The following NELL2 variants were observed in gnomAD, a reference collection of about 807,000 sequenced individuals.
NELL2 encodes the protein protein kinase C-binding protein NELL2.
A neutral mutation model predicts 109.6 loss-of-function variants in NELL2; 41 were observed. The observed-to-expected ratio is 0.37, with a 90% CI of 0.29 to 0.49. The LOEUF is 0.49. Ranked by LOEUF, NELL2 falls within the 20% of genes least tolerant of loss-of-function variation. The probability of loss-of-function intolerance (pLI) is 0.98; values close to 1 mark genes in which losing one functional copy is unlikely to be tolerated. For missense variants in NELL2, 900 were observed against 1,008.3 expected, an observed-to-expected ratio of 0.89 and a Z score of 1.45; for synonymous variants, 355 against 344.7, an observed-to-expected ratio of 1.03 and a Z score of -0.33.
At chr12:44,652,997 C>T (rs752710531) in intron 13 of NELL2, among the ~76,000 whole-genome samples, 3 of 152,184 alleles carry the variant, frequency 2.0e-5, no homozygotes, top group Admixed American at 1.3e-4. Flanking sequence ...TAGATTGGGA[C>T]CACCTGGATA....
At chr12:44,578,511 A>G (rs1052525515) in intron 15 of NELL2, among the ~76,000 whole-genome samples, 8 of 152,170 alleles carry the variant, frequency 5.3e-5, no homozygotes, top group Non-Finnish European at 7.4e-5. Flanking sequence ...GAGTACCACA[A>G]TAAAATTGTA....
intron 9 of NELL2, among the ~76,000 whole-genome samples, chr12:44,755,456 C>CAA (rs1940847850): frequency 6.6e-6 from 1 of 151,750 alleles, no homozygotes; most frequent in African/African-American, 2.4e-5. Flanking sequence ...CTCTCTGTCA[C>CAA]AATGTCTGCA....
chr12:44,745,429 T>C (rs1408612926), intron 9 of NELL2, among the ~76,000 whole-genome samples: 4 of 152,176 alleles, frequency 2.6e-5, no homozygotes, highest in East Asian at 1.9e-4. Flanking sequence ...CTATTCAACA[T>C]AGTGTTGGAG....
At chr12:44,792,304 T>G (rs893844074) in intron 3 of NELL2, among the ~76,000 whole-genome samples, 4 of 152,038 alleles carry the variant, frequency 2.6e-5, no homozygotes, top group African/African-American at 9.7e-5. Flanking sequence ...GGAGACACTT[T>G]GAAAGAAATG....
chr12:44,908,888 T>C (rs1023682801), intron 1 of NELL2, among the ~76,000 whole-genome samples: 5 of 151,988 alleles, frequency 3.3e-5, no homozygotes, highest in African/African-American at 1.2e-4. Context: ...TAATTTTTCC[T>C]GACATCCTTT....
chr12:44,872,229 G>A (rs1592688683), intron 2 of NELL2, among the ~76,000 whole-genome samples: 1 of 152,130 alleles, frequency 6.6e-6, no homozygotes, highest in South Asian at 2.1e-4. Flanking sequence ...TTTTGTGGCT[G>A]CAAGTCAGAT....
chr12:44,587,284 A>AAAAAAAAAAATATATATATATATATAT, intron 15 of NELL2, among the ~76,000 whole-genome samples: 10 of 72,176 alleles, frequency 1.4e-4, no homozygotes, highest in Non-Finnish European at 1.9e-4. Flanking sequence ...AAAAAAAAAA[A>AAAAAAAAAAATATATATATATATATAT]ATATATATAT....
chr12:44,589,744 G>C (rs1002830536), intron 15 of NELL2, among the ~76,000 whole-genome samples: 11 of 152,138 alleles, frequency 7.2e-5, no homozygotes, highest in African/African-American at 2.4e-4. Context: ...GGCTTTGTTT[G>C]TAACAAAGGA....
At chr12:44,772,779 C>T (rs549350973) in intron 9 of NELL2, among the ~76,000 whole-genome samples, 23 of 152,008 alleles carry the variant, frequency 1.5e-4, no homozygotes, top group Admixed American at 1.0e-3. Context: ...TAATGAGGGC[C>T]TATGGCTTTT....
rs566834194 is a variant in NELL2, at chr12:44,741,077, AACCCCTGGG to A, written c.995-26345_995-26337del. On this transcript the variant is annotated intron_variant, in intron 9 of 19. Coordinates refer to ENST00000429094, the MANE Select transcript of NELL2 (RefSeq NM_001145108.2). ...TTCATGGATTTTCGTTCCATTCTGCAACCCCTGGGACAGCTGGACGAACTCTTCCTCCTA... is the reference window on the plus strand; with the variant it reads ...TTCATGGATTTTCGTTCCATTCTGCAACAGCTGGACGAACTCTTCCTCCTA... 1.7e-3 allele frequency among the ~76,000 whole-genome samples: 254 copies of A among 152,240 alleles called. 1 individual carries two copies. The highest frequency in any genetic ancestry group is 5.6e-3 in the African/African-American group (234 of 41,504).
chr12:44,686,934 G>T (rs575439752), intron 12 of NELL2, among the ~76,000 whole-genome samples: 3 of 152,204 alleles, frequency 2.0e-5, no homozygotes, highest in African/African-American at 7.2e-5. Context: ...GAGCTGTGGT[G>T]GGCTCCACCC....
chr12:44,759,055 A>C (rs1941010972), intron 9 of NELL2, among the ~76,000 whole-genome samples: 1 of 152,160 alleles, frequency 6.6e-6, no homozygotes, highest in Non-Finnish European at 1.5e-5. Flanking sequence ...AGCCAGAGTA[A>C]GAATCATGTT....
chr12:44,655,036 C>T (rs1947449197), intron 13 of NELL2, among the ~76,000 whole-genome samples: 1 of 152,196 alleles, frequency 6.6e-6, no homozygotes, highest in Non-Finnish European at 1.5e-5. Context: ...GTTATTATTA[C>T]ACTCCGGGCA....
chr12:44,564,485 T>C (rs1049311674), intron 15 of NELL2, among the ~76,000 whole-genome samples: 3 of 152,210 alleles, frequency 2.0e-5, no homozygotes, highest in Non-Finnish European at 4.4e-5. Context: ...TATGAAATCA[T>C]GCGTGTGAAA....
chr12:44,571,924 G>T (rs571681674), intron 15 of NELL2, among the ~76,000 whole-genome samples: 45 of 152,078 alleles, frequency 3.0e-4, no homozygotes, highest in South Asian at 1.9e-3. Context: ...GTAGATTACA[G>T]CCACCCATGT....
Position 44,678,154 on chromosome 12 carries a change from C to G in NELL2, c.1319-12545G>C, listed in dbSNP as rs117748171. Among the ~76,000 whole-genome samples the G allele has an allele frequency of 9.9e-3, 1,489 of 150,856 alleles. 11 individuals carry two copies. Among genetic ancestry groups the G allele is most frequent in the Non-Finnish European group, 0.014 (940 of 67,406 alleles). Reference sequence around the variant, plus strand: ...AGAAAGCAGGTGGAGAAAAATTGCTCAGAGAGGTAGCAGCAAAACTAGAGG... The same window carrying G: ...AGAAAGCAGGTGGAGAAAAATTGCTGAGAGAGGTAGCAGCAAAACTAGAGG... On this transcript the variant is annotated intron_variant, in intron 12 of 19. Transcript: ENST00000429094.
intron 15 of NELL2, among the ~76,000 whole-genome samples, chr12:44,571,290 C>T (rs1461918316): frequency 6.6e-6 from 1 of 152,020 alleles, no homozygotes; most frequent in East Asian, 1.9e-4. Context: ...ATAGTAGTGC[C>T]TTCTTGGCTT....
intron 15 of NELL2, among the ~76,000 whole-genome samples, chr12:44,543,055 A>G (rs550567022): frequency 6.6e-6 from 1 of 152,262 alleles, no homozygotes; most frequent in Admixed American, 6.5e-5. Context: ...GTACTTTACT[A>G]TAGCAGTCCT....
chr12:44,568,657 T>C (rs1157195488), intron 15 of NELL2, among the ~76,000 whole-genome samples: 1 of 152,074 alleles, frequency 6.6e-6, no homozygotes. Context: ...TGAATCCTGA[T>C]AGAATTCACT....
Sources: gnomAD v4.1 joint callset for allele counts (sites outside exome capture counted in the v4.1 genomes callset) on GRCh38, gnomAD v4.1.1 for gene constraint, MANE v1.5 for transcripts, NCBI Gene and HGNC (gene_info 2026-07-23, HGNC 2026-07-21) for gene names.